Variants in CAPN7 observed in about 807,000 individuals in gnomAD.
CAPN7 encodes calpain 7, also known as calpain-7.
CAPN7 carries 72 observed loss-of-function variants against 115.2 expected under a neutral mutation model. The ratio of observed to expected loss-of-function variants is 0.63; its 90% CI spans 0.52 to 0.76. CAPN7 has a LOEUF of 0.76. CAPN7 is among the 30% of genes least tolerant of loss of function. CAPN7 has a pLI of 0.00. For missense variants in CAPN7, 905 were observed against 971.5 expected (o/e 0.93, Z 0.91); for synonymous variants, 344 against 322.3 (o/e 1.07, Z -0.72).
intron 1 of CAPN7, chr3:15,210,899 CACGCTTGGGTT>C: frequency 7.8e-7 from 1 of 1,281,034 alleles, no homozygotes; most frequent in Non-Finnish European, 1.0e-6. Flanking sequence ...ATGAAGTGTA[CACGCTTGGGTT>C]ACTGCAGAGA....
At chr3:15,228,922 A>C (rs1559398226) in intron 7 of CAPN7, 52 bp from the exon 8 acceptor site, 1 of 1,321,796 alleles carries the variant, frequency 7.6e-7, no homozygotes, top group African/African-American at 1.5e-5. Context: ...TATTGCGGTA[A>C]TGTTGAAATT....
chr3:15,229,561 C>CTTTTTTTTTTTTTTTTTTTT (rs566957976), intron 8 of CAPN7, among the ~76,000 whole-genome samples: 6 of 87,838 alleles, frequency 6.8e-5, no homozygotes, highest in African/African-American at 2.5e-4. Flanking sequence ...TACTTTTTTT[C>CTTTTTTTTTTTTTTTTTTTT]TTTTTTTTTT....
At chr3:15,226,792 G>A (rs1275223328) in intron 6 of CAPN7, among the ~76,000 whole-genome samples, 1 of 151,886 alleles carries the variant, frequency 6.6e-6, no homozygotes, top group East Asian at 1.9e-4. Context: ...CTTTAACCAG[G>A]AGTTTGTAGA....
Position 15,240,625 on chromosome 3 carries a change from T to A in CAPN7, c.1552+8T>A, listed in dbSNP as rs749381488. 1 of 1,583,106 alleles carries A rather than the reference T, an allele frequency of 6.3e-7. No homozygotes were observed. Among genetic ancestry groups the A allele is most frequent in the Non-Finnish European group, 8.5e-7 (1 of 1,169,716 alleles). On this transcript the variant is annotated splice_region_variant and intron_variant, in intron 13 of 20. Coordinates refer to ENST00000253693, the MANE Select transcript of CAPN7 (RefSeq NM_014296.3). ...CTCAGAAAATAGACAACGGTAAATA[T>A]ATCTTTTTAATTTTAATACCATTTA...
chr3:15,232,744 A>G, intron 10 of CAPN7, 79 bp downstream of exon 10: 1 of 1,267,862 alleles, frequency 7.9e-7, no homozygotes, highest in Non-Finnish European at 1.1e-6. Context: ...AATTCTAGAT[A>G]GTCTTTTTGT....
At chr3:15,210,496 T>C (rs1041757533) in intron 1 of CAPN7, among the ~76,000 whole-genome samples, 6 of 149,346 alleles carry the variant, frequency 4.0e-5, no homozygotes, top group Non-Finnish European at 8.8e-5. Context: ...GAAATAGTTA[T>C]AGAATCTAAG....
At chr3:15,208,760 A>G (rs180823100) in intron 1 of CAPN7, among the ~76,000 whole-genome samples, 1 of 152,262 alleles carries the variant, frequency 6.6e-6, no homozygotes. Flanking sequence ...AGAATTGATA[A>G]ATCAAAGGGT....
rs1223617298 is a variant in CAPN7, at chr3:15,238,107, T to A, written c.1408-2366T>A. Among the ~76,000 whole-genome samples the A allele has an allele frequency of 2.2e-5, 3 of 133,868 alleles. No individual in the cohort carries two copies. In the South Asian group the frequency reaches 7.4e-4, roughly 33 times the overall value. 87.8% of individuals were successfully genotyped at this position (133,868 alleles called of 152,430 possible). ...TTGAAGTGTTTATTTAATTCTGACTTCTTTTTTTTTTTTTTTTTTTTTTTT... is the reference window on the plus strand; with the variant it reads ...TTGAAGTGTTTATTTAATTCTGACTACTTTTTTTTTTTTTTTTTTTTTTTT... On this transcript the variant is annotated intron_variant, in intron 12 of 20. Transcript: ENST00000253693.
intron 17 of CAPN7, 100 bp from the exon 18 acceptor site, chr3:15,246,632 G>A (rs1048000949): frequency 2.4e-6 from 2 of 830,930 alleles, no homozygotes. Flanking sequence ...AATGACTTGT[G>A]TATGCCAACT....
chr3:15,241,003 T>C lies in CAPN7; in HGVS notation c.1652+150T>C, dbSNP rs543416974. ...GTGGATCAGTTGACCTCAGGAGTTC[T>C]AGACCAGGTTGGGCAACATGGCAAA... On this transcript the variant is annotated intron_variant, in intron 14 of 20. Transcript: ENST00000253693. The C allele has an allele frequency of 1.8e-4, 100 of 549,910 alleles. No homozygotes were observed. In the African/African-American group the frequency reaches 1.8e-3, roughly 10 times the overall value. The allele number at this position is 549,910 out of a possible 1,614,324, so 34.1% of individuals were successfully genotyped here.
At chr3:15,247,851 A>G (rs1321020986) in intron 19 of CAPN7, among the ~76,000 whole-genome samples, 4 of 152,234 alleles carry the variant, frequency 2.6e-5, no homozygotes, top group African/African-American at 9.7e-5. Flanking sequence ...TTTAAAAAAT[A>G]AAAACACATT....
intron 16 of CAPN7, among the ~76,000 whole-genome samples, chr3:15,242,905 G>GAC (rs1695435386): frequency 6.6e-6 from 1 of 152,322 alleles, no homozygotes; most frequent in South Asian, 2.1e-4. Flanking sequence ...ACTATCTTAA[G>GAC]GCTCTGGAGA....
intron 2 of CAPN7, among the ~76,000 whole-genome samples, chr3:15,212,495 A>T (rs1347736989): frequency 6.6e-6 from 1 of 152,146 alleles, no homozygotes; most frequent in Non-Finnish European, 1.5e-5. Context: ...TGGCAAAGTT[A>T]GGATTAGGAT....
At chr3:15,222,380 T>A (rs1251440616) in intron 5 of CAPN7, among the ~76,000 whole-genome samples, 8 of 152,322 alleles carry the variant, frequency 5.3e-5, no homozygotes, top group Non-Finnish European at 1.0e-4. Flanking sequence ...ACAGGGTGGC[T>A]TTTTTAAAGT....
chr3:15,206,391 T>A lies in CAPN7; in HGVS notation c.-105T>A. The A allele has an allele frequency of 3.8e-6, 3 of 792,474 alleles. No individual in the cohort carries two copies. In the East Asian group the frequency reaches 8.9e-5, roughly 23 times the overall value. 49.1% of individuals were successfully genotyped at this position (792,474 alleles called of 1,614,324 possible). A position where few individuals can be genotyped will look rare whatever the true frequency, so the allele number is the denominator to read the frequency against. Reference sequence around the variant, plus strand: ...GTCCAAAGTAAACTTTGCCGCTCCTTCCGCGGCGCTCCCGAGTCCTCGCCG... The same window carrying A: ...GTCCAAAGTAAACTTTGCCGCTCCTACCGCGGCGCTCCCGAGTCCTCGCCG... On this transcript the variant is annotated 5_prime_UTR_variant, in exon 1 of 21. Transcript: ENST00000253693.
intron 19 of CAPN7, among the ~76,000 whole-genome samples, chr3:15,250,202 CT>C (rs1695921661): frequency 1.3e-5 from 2 of 150,854 alleles, no homozygotes; most frequent in South Asian, 4.2e-4. Flanking sequence ...GTGAGACCCC[CT>C]GTCCATAAAA....
intron 12 of CAPN7, among the ~76,000 whole-genome samples, chr3:15,237,214 AC>A (rs1490084026): frequency 6.6e-6 from 1 of 152,050 alleles, no homozygotes; most frequent in Admixed American, 6.5e-5. Context: ...AGAGCTGTAC[AC>A]AAGTACTTTA....
intron 3 of CAPN7, among the ~76,000 whole-genome samples, chr3:15,218,014 T>C (rs1693741529): frequency 6.6e-6 from 1 of 152,230 alleles, no homozygotes; most frequent in African/African-American, 2.4e-5. Context: ...GTTGGGACTC[T>C]TAGCTTCAAG....
chr3:15,224,633 T>C (rs887685558), intron 6 of CAPN7, among the ~76,000 whole-genome samples: 1 of 152,126 alleles, frequency 6.6e-6, no homozygotes, highest in African/African-American at 2.4e-5. Flanking sequence ...TGGAGAAATA[T>C]ACCCGAATAT....
Sources: allele counts gnomAD v4.1 joint callset (sites outside exome capture counted in the v4.1 genomes callset), GRCh38; gene constraint gnomAD v4.1.1; transcripts MANE v1.5; gene names NCBI Gene and HGNC (gene_info 2026-07-23, HGNC 2026-07-21).